The following RBL1 variants were observed in gnomAD, a reference collection of about 807,000 sequenced individuals.
RBL1 encodes retinoblastoma-like protein 1.
Under a neutral mutation model 123.0 loss-of-function variants are expected in RBL1, and 82 were observed. That is an observed-to-expected ratio of 0.67 (90% CI 0.56 to 0.80). The LOEUF is 0.80. RBL1 is among the 30% of genes least tolerant of loss of function. The pLI, the probability that RBL1 is intolerant of heterozygous loss-of-function variation, is 0.00. For missense variants in RBL1, 1,171 were observed against 1,299.6 expected, an observed-to-expected ratio of 0.90 and a Z score of 1.52; for synonymous variants, 405 against 441.3, an observed-to-expected ratio of 0.92 and a Z score of 1.03.
intron 9 of RBL1, among the ~76,000 whole-genome samples, chr20:37,060,287 A>G (rs1403882373): frequency 6.6e-6 from 1 of 152,172 alleles, no homozygotes; most frequent in Non-Finnish European, 1.5e-5. Context: ...CCCCATTTAA[A>G]GTTAATGTAT....
chr20:37,015,063 CAAA>C (rs1185151735), intron 19 of RBL1, among the ~76,000 whole-genome samples: 5 of 70,322 alleles, frequency 7.1e-5, no homozygotes, highest in Admixed American at 1.6e-4. Context: ...GACTGTATCT[CAAA>C]AAAAAAAAAA....
At chr20:37,059,645 T>A (rs1403017258) in intron 9 of RBL1, among the ~76,000 whole-genome samples, 1 of 152,192 alleles carries the variant, frequency 6.6e-6, no homozygotes, top group Non-Finnish European at 1.5e-5. Context: ...CAACACTGCT[T>A]AGGGATGGGA....
Position 37,020,483 on chromosome 20 carries a change from C to T in RBL1, c.2631+176G>A, listed in dbSNP as rs955914206. Among the ~76,000 whole-genome samples the T allele has an allele frequency of 2.6e-5, 4 of 152,128 alleles. 1 individual carries two copies. The highest frequency in any genetic ancestry group is 4.4e-5 in the Non-Finnish European group (3 of 68,022). On this transcript the variant is annotated intron_variant, in intron 18 of 21. Coordinates refer to ENST00000373664, the MANE Select transcript of RBL1 (RefSeq NM_002895.5). ...GGATGAGTCGGAAACAGTCAGACTTCCTGGCTTCTATTGAAACTGTCCTTC... is the reference window on the plus strand; with the variant it reads ...GGATGAGTCGGAAACAGTCAGACTTTCTGGCTTCTATTGAAACTGTCCTTC...
chr20:37,032,833 G>C lies in RBL1; in HGVS notation c.2214C>G (p.Ser738=), dbSNP rs1204004216. Residue 738 remains serine, a synonymous_variant, in exon 16 of 22, where the codon TCC becomes TCG. Transcript: ENST00000373664. ...CTTTGGACTCCTGATTTGTATTCAT[G>C]GAAAGAGGTATCAGTGTGATCTCTC... ...DAGEITLIPL[S]MNTNQESKVK... is the part of the protein sequence containing the mutation. The C allele has an allele frequency of 1.2e-6, 2 of 1,613,988 alleles. No individual in the cohort carries two copies. Among genetic ancestry groups the C allele is most frequent in the Non-Finnish European group, 8.5e-7 (1 of 1,179,976 alleles).
At position 37,047,152 on chromosome 20, in the gene RBL1, C is replaced by A; in HGVS notation, c.1506G>T (p.Met502Ile). 6.2e-7 allele frequency: 1 copy of A among 1,604,160 alleles called. No individual in the cohort carries two copies. Among genetic ancestry groups the A allele is most frequent in the Non-Finnish European group, 8.5e-7 (1 of 1,178,026 alleles). ...AGAGCACAATTTCCAAACAACAAGCCATCAAGGAACGATGAAATATATCTT... is the reference window on the plus strand; with the variant it reads ...AGAGCACAATTTCCAAACAACAAGCAATCAAGGAACGATGAAATATATCTT... ...LEQDIFHRSL[M>I]ACCLEIVLFA... Residue 502 changes from methionine to isoleucine, a missense_variant, in exon 12 of 22, where the codon ATG (methionine) becomes ATT (isoleucine). By Grantham distance (10) the Met-to-Ile change is conservative (BLOSUM62 1). Transcript: ENST00000373664.
In RBL1 at chr20:37,038,610, T is replaced by G. The variant is rs2064669465; in HGVS notation, c.1903+1543A>C. Among the ~76,000 whole-genome samples the G allele has an allele frequency of 3.4e-5, 5 of 147,882 alleles. No individual in the cohort carries two copies. The South Asian group carries it at 1.1e-3, about 32-fold the overall frequency. Reference sequence around the variant, plus strand: ...CACTGTGCCTGGCCTTTTTTTTTTTTTTTTTTTTCTGAAACAGAGTCTCGC... The same window carrying G: ...CACTGTGCCTGGCCTTTTTTTTTTTGTTTTTTTTCTGAAACAGAGTCTCGC... On this transcript the variant is annotated intron_variant, in intron 14 of 21. Transcript: ENST00000373664.
intron 21 of RBL1, among the ~76,000 whole-genome samples, chr20:37,000,765 G>C (rs867377704): frequency 3.3e-3 from 453 of 138,198 alleles, no homozygotes; most frequent in African/African-American, 0.012. Flanking sequence ...GTCCAGGAGG[G>C]AGGCGGGGGG....
Position 36,998,655 on chromosome 20 carries a change from C to A in RBL1, c.*104G>T. 3 of 1,009,816 alleles carry A rather than the reference C, an allele frequency of 3.0e-6. No homozygotes were observed. Among genetic ancestry groups the A allele is most frequent in the South Asian group, 2.0e-5 (1 of 48,938 alleles). 62.6% of individuals were successfully genotyped at this position (1,009,816 alleles called of 1,614,324 possible). Reference sequence around the variant, plus strand: ...TTTTTGTGCAATTTTTTCTTATAACCCAGTGATATTTATCATCTATAGGGC... The same window carrying A: ...TTTTTGTGCAATTTTTTCTTATAACACAGTGATATTTATCATCTATAGGGC... On this transcript the variant is annotated 3_prime_UTR_variant, in exon 22 of 22. Transcript: ENST00000373664.
At position 37,044,188 on chromosome 20, in the gene RBL1, G is replaced by C; in HGVS notation, c.1668C>G (p.Asn556Lys). 4 of 1,613,848 alleles carry C rather than the reference G, an allele frequency of 2.5e-6. No homozygotes were observed. Among genetic ancestry groups the C allele is most frequent in the Non-Finnish European group, 3.4e-6 (4 of 1,179,936 alleles). The part of the protein sequence containing the change: ...GLSRDMVKHL[N>K]SIEEQILESL... ...TCTCCAAAATCTGTTCTTCAATGCT[G>C]TTTAGGTGTTTCACCATGTCCCTTG... is the stretch of plus-strand genomic sequence containing the variant. The change falls in exon 13 of 22, where the codon AAC becomes AAG. Residue 556 changes from asparagine (N) to lysine (K), a missense_variant. Asn to Lys is a moderately conservative substitution (Grantham distance 94). Coordinates refer to ENST00000373664, the MANE Select transcript of RBL1 (RefSeq NM_002895.5).
At position 37,055,555 on chromosome 20, in the gene RBL1, AC is replaced by A; in HGVS notation, c.1464del (p.Met488IlefsTer5). On this transcript the variant is annotated frameshift_variant, in exon 11 of 22. Coordinates refer to ENST00000373664, the MANE Select transcript of RBL1 (RefSeq NM_002895.5). LOFTEE classifies it high-confidence loss of function. ...GCTCAGAGAGTGGATTTACTTACTG[AC>A]ATGTCCATTCCATGAAGTCTTCGTG... ...QETRRLHGMD[M>X]SVLLEQDIFH... 1 of 1,614,052 alleles carries A rather than the reference AC, an allele frequency of 6.2e-7. No homozygotes were observed. Among genetic ancestry groups the A allele is most frequent in the Non-Finnish European group, 8.5e-7 (1 of 1,179,994 alleles).
rs748839774 is a variant in RBL1 at position 37,003,738 on chromosome 20, G to T, written c.3000C>A (p.Ser1000Arg). Reference sequence around the variant, plus strand: ...TGCCATTGAACTTGTACAGCAGAGCGCTTCTTGGTGTAAGGCCTGACCCAT... The same window carrying T: ...TGCCATTGAACTTGTACAGCAGAGCTCTTCTTGGTGTAAGGCCTGACCCAT... ...HKNGSGLTPRSALLYKFNGSP... is the reference protein window; with the variant it reads ...HKNGSGLTPRRALLYKFNGSP... Residue 1000 changes from serine to arginine, a missense_variant, in exon 21 of 22, where the codon AGC (serine) becomes AGA (arginine). By Grantham distance (110) the Ser-to-Arg change is moderately radical. Transcript: ENST00000373664. 1.2e-6 allele frequency: 2 copies of T among 1,613,572 alleles called. No individual in the cohort carries two copies. The highest frequency in any genetic ancestry group is 1.7e-6 in the Non-Finnish European group (2 of 1,179,796).
At chr20:37,028,569 T>C (rs368094066) in intron 16 of RBL1, among the ~76,000 whole-genome samples, 4 of 152,142 alleles carry the variant, frequency 2.6e-5, no homozygotes, top group African/African-American at 9.7e-5. Context: ...CTTCTCACAG[T>C]ATCCCAGCAA....
intron 19 of RBL1, 116 bp from the exon 20 acceptor site, chr20:37,007,675 C>T (rs1239762523): frequency 2.1e-6 from 2 of 969,004 alleles, no homozygotes; most frequent in Non-Finnish European, 3.0e-6. Flanking sequence ...TCACTGCAGC[C>T]CTGACCTCCT....
intron 1 of RBL1, among the ~76,000 whole-genome samples, chr20:37,091,350 C>A (rs1169569543): frequency 6.9e-6 from 1 of 144,410 alleles, no homozygotes; most frequent in Non-Finnish European, 1.5e-5. Context: ...GGGAGTGAGA[C>A]TCCATCTCAA....
rs182509534 is a variant in RBL1 at position 37,062,336 on chromosome 20, T to C, written c.897-66A>G. The C allele has an allele frequency of 1.5e-4, 238 of 1,553,832 alleles. 1 individual carries two copies. The African/African-American group carries it at 2.7e-3, about 18-fold the overall frequency. ...CAATGGATTTATTTTGACTTGAAGA[T>C]AGATTTAGTGTTTACAGCTTAGAAA... On this transcript the variant is annotated intron_variant, in intron 7 of 21. Coordinates refer to ENST00000373664, the MANE Select transcript of RBL1 (RefSeq NM_002895.5).
intron 12 of RBL1, among the ~76,000 whole-genome samples, chr20:37,046,774 A>C (rs570164134): frequency 2.6e-5 from 4 of 151,722 alleles, no homozygotes; most frequent in Admixed American, 6.6e-5. Context: ...ATGCCTGGCT[A>C]ATTTTTTTTG....
At chr20:37,055,454 G>C in intron 11 of RBL1, 99 bp downstream of exon 11, 1 of 1,568,864 alleles carries the variant, frequency 6.4e-7, no homozygotes, top group Non-Finnish European at 8.6e-7. Context: ...GTGTGTCATA[G>C]ATTGGTGACT....
rs963963679 is a variant in RBL1, at chr20:37,055,325, A to C, written c.1467+228T>G. ...TGAAGGACAGAAAAAAAAAAAAAAA[A>C]AAAAAACACTTAAAAAACACTGATG... On this transcript the variant is annotated intron_variant, in intron 11 of 21. Coordinates refer to ENST00000373664, the MANE Select transcript of RBL1 (RefSeq NM_002895.5). Among the ~76,000 whole-genome samples, 5 of 152,076 alleles carry C rather than the reference A, an allele frequency of 3.3e-5. No homozygotes were observed. The South Asian group carries it at 6.2e-4, about 19-fold the overall frequency.
At chr20:37,031,530 A>C (rs1468477189) in intron 16 of RBL1, among the ~76,000 whole-genome samples, 1 of 152,204 alleles carries the variant, frequency 6.6e-6, no homozygotes, top group South Asian at 2.1e-4. Context: ...CCATTATCAA[A>C]AAAACAAACA....
Sources: gnomAD v4.1 joint callset for allele counts (sites outside exome capture counted in the v4.1 genomes callset) on GRCh38, gnomAD v4.1.1 for gene constraint, MANE v1.5 for transcripts, NCBI Gene and HGNC (gene_info 2026-07-23, HGNC 2026-07-21) for gene names.